STON2: variants seen among roughly 807,000 people sequenced by gnomAD.
STON2 encodes stonin 2, also known as stonin-2.
Under a neutral mutation model 65.7 loss-of-function variants are expected in STON2, and 29 were observed. The ratio of observed to expected loss-of-function variants is 0.44; its 90% confidence interval spans 0.33 to 0.60. STON2 has a LOEUF of 0.60. STON2 is among the 20% of genes least tolerant of loss of function. STON2 has a pLI of 0.03. For synonymous variants in STON2, 404 were observed against 414.2 expected, an observed-to-expected ratio of 0.98 and a Z score of 0.30; for missense variants, 1,054 against 1,118.1, an observed-to-expected ratio of 0.94 and a Z score of 0.82.
intron 5 of STON2, among the ~76,000 whole-genome samples, chr14:81,287,205 G>C (rs988573022): frequency 3.9e-5 from 6 of 152,154 alleles, no homozygotes; most frequent in African/African-American, 1.4e-4. Context: ...AATCTACTTA[G>C]TCATAACAAA....
At chr14:81,382,998 C>T (rs1024915080) in intron 3 of STON2, among the ~76,000 whole-genome samples, 4 of 152,220 alleles carry the variant, frequency 2.6e-5, no homozygotes, top group Non-Finnish European at 5.9e-5. Context: ...AGGCCACAAG[C>T]TTAGCTGAAA....
At chr14:81,343,373 TG>T (rs1038825414) in intron 4 of STON2, among the ~76,000 whole-genome samples, 3 of 152,174 alleles carry the variant, frequency 2.0e-5, no homozygotes, top group Non-Finnish European at 4.4e-5. Context: ...AAATCAGTCC[TG>T]GGGAGGGGGA....
chr14:81,378,316 A>G (rs1353373154), intron 3 of STON2, among the ~76,000 whole-genome samples: 1 of 152,140 alleles, frequency 6.6e-6, no homozygotes, highest in Non-Finnish European at 1.5e-5. Context: ...CCCAGGTTCA[A>G]GCGATCCACC....
At chr14:81,407,646 C>T (rs370637751) in intron 2 of STON2, among the ~76,000 whole-genome samples, 1 of 152,202 alleles carries the variant, frequency 6.6e-6, no homozygotes, top group Non-Finnish European at 1.5e-5. Flanking sequence ...CAACTAGATC[C>T]TGGTGTCCAT....
chr14:81,390,529 A>G (rs1400015959), intron 3 of STON2, among the ~76,000 whole-genome samples: 1 of 152,204 alleles, frequency 6.6e-6, no homozygotes, highest in Non-Finnish European at 1.5e-5. Context: ...GCGCCACTGC[A>G]CTCCAGAGCC....
intron 4 of STON2, among the ~76,000 whole-genome samples, chr14:81,327,565 T>C (rs1460356862): frequency 2.6e-5 from 4 of 152,190 alleles, no homozygotes; most frequent in Non-Finnish European, 5.9e-5. Context: ...ATTTGTGCAC[T>C]TAGCAACCAC....
chr14:81,395,859 C>T (rs755933810), intron 3 of STON2, 35 bp downstream of exon 3: 4 of 1,609,560 alleles, frequency 2.5e-6, no homozygotes, highest in East Asian at 2.2e-5. Flanking sequence ...CCCTGCTGAC[C>T]ACAAACCCAA....
intron 7 of STON2, 68 bp downstream of exon 7, chr14:81,270,602 A>G (rs754936351): frequency 3.7e-6 from 6 of 1,613,840 alleles, no homozygotes; most frequent in Non-Finnish European, 5.1e-6. Context: ...TAAAAGGAAT[A>G]AGAGGGGGAG....
At chr14:81,351,079 A>G (rs1286084487) in intron 4 of STON2, among the ~76,000 whole-genome samples, 1 of 152,150 alleles carries the variant, frequency 6.6e-6, no homozygotes, top group Non-Finnish European at 1.5e-5. Flanking sequence ...ATTCAGTAAA[A>G]CAGTTCAGAA....
intron 5 of STON2, among the ~76,000 whole-genome samples, chr14:81,290,459 C>T (rs1366890683): frequency 6.6e-6 from 1 of 152,132 alleles, no homozygotes; most frequent in Non-Finnish European, 1.5e-5. Flanking sequence ...TACATGTGTC[C>T]TGGGAATTAG....
intron 4 of STON2, among the ~76,000 whole-genome samples, chr14:81,345,193 A>G (rs186759010): frequency 2.0e-5 from 3 of 152,374 alleles, no homozygotes; most frequent in Admixed American, 2.0e-4. Context: ...TTGTAGTTAC[A>G]TAGTATTATG....
chr14:81,332,533 T>C (rs1897248744), intron 4 of STON2, among the ~76,000 whole-genome samples: 1 of 152,230 alleles, frequency 6.6e-6, no homozygotes, highest in African/African-American at 2.4e-5. Flanking sequence ...TATCTTACCA[T>C]ATGTTCCCCA....
chr14:81,297,143 A>G (rs1195676020), intron 5 of STON2, among the ~76,000 whole-genome samples: 1 of 152,088 alleles, frequency 6.6e-6, no homozygotes, highest in African/African-American at 2.4e-5. Context: ...CGGAAAGATA[A>G]AAATCTACCA....
intron 5 of STON2, among the ~76,000 whole-genome samples, chr14:81,321,437 C>G (rs555013699): frequency 7.9e-5 from 12 of 151,244 alleles, no homozygotes; most frequent in African/African-American, 2.7e-4. Flanking sequence ...GTGGCCACAG[C>G]TGGGTATTGT....
rs1296834810 is a variant in STON2, at chr14:81,399,001, CTCTT to C, written c.-198-425_-198-422del. On this transcript the variant is annotated intron_variant, in intron 1 of 7. Transcript: ENST00000614646. Reference sequence around the variant, plus strand: ...CCAGTTTCTTGCCTTAGGCAGGTAACTCTTTATAAACCTGATTTAAATCTCTGGC... The same window carrying C: ...CCAGTTTCTTGCCTTAGGCAGGTAACTATAAACCTGATTTAAATCTCTGGC... Among the ~76,000 whole-genome samples the C allele has an allele frequency of 3.9e-5, 6 of 152,314 alleles. No homozygotes were observed. In the East Asian group the frequency reaches 1.2e-3, roughly 29 times the overall value.
chr14:81,335,504 C>T (rs982390543), intron 4 of STON2, among the ~76,000 whole-genome samples: 3 of 152,088 alleles, frequency 2.0e-5, no homozygotes, highest in African/African-American at 7.2e-5. Context: ...AGGGTGTCAC[C>T]TCTCAAGAGT....
chr14:81,394,133 G>A (rs575571805), intron 3 of STON2, among the ~76,000 whole-genome samples: 2 of 152,046 alleles, frequency 1.3e-5, no homozygotes, highest in African/African-American at 4.8e-5. Context: ...AGAGGTTGCA[G>A]TGAGCTGAGA....
intron 5 of STON2, among the ~76,000 whole-genome samples, chr14:81,306,334 A>C (rs1270504268): frequency 7.3e-6 from 1 of 136,434 alleles, no homozygotes; most frequent in Non-Finnish European, 1.5e-5. Context: ...GGTTCAAGTG[A>C]TTCTCGTGTC....
intron 4 of STON2, among the ~76,000 whole-genome samples, chr14:81,359,428 A>T (rs1018351358): frequency 6.6e-6 from 1 of 152,218 alleles, no homozygotes; most frequent in African/African-American, 2.4e-5. Context: ...TACATCAAAA[A>T]ATAAGGAATA....
Sources: allele counts gnomAD v4.1 joint callset (sites outside exome capture counted in the v4.1 genomes callset), GRCh38; gene constraint gnomAD v4.1.1; transcripts MANE v1.5; gene names NCBI Gene and HGNC (gene_info 2026-07-23, HGNC 2026-07-21).